The following ROBO1 variants were observed in gnomAD, a reference collection of about 807,000 sequenced individuals.
The protein encoded by ROBO1 is roundabout homolog 1.
In ROBO1, 149 loss-of-function variants were observed where a neutral mutation model predicts 195.9. The ratio of observed to expected loss-of-function variants is 0.76; its 90% CI spans 0.67 to 0.87. The LOEUF (loss-of-function observed/expected upper bound fraction) is 0.87, where lower values mean the gene tolerates loss of function less well. Ranked by LOEUF, ROBO1 falls within the 40% of genes least tolerant of loss-of-function variation. ROBO1 has a pLI of 0.00. For missense variants in ROBO1, 1,933 were observed against 2,068.3 expected, an observed-to-expected ratio of 0.93 and a Z score of 1.27; for synonymous variants, 816 against 733.2, an observed-to-expected ratio of 1.11 and a Z score of -1.82.
In ROBO1 at chr3:79,589,971, T is replaced by C. The variant is rs1943947910; in HGVS notation, c.-50-10A>G. 1 of 1,179,660 alleles carries C rather than the reference T, an allele frequency of 8.5e-7. No individual in the cohort carries two copies. The highest frequency in any genetic ancestry group is 1.3e-6 in the Non-Finnish European group (1 of 799,076). 73.1% of individuals were successfully genotyped at this position (1,179,660 alleles called of 1,614,324 possible). A position where few individuals can be genotyped will look rare whatever the true frequency, so the allele number is the denominator to read the frequency against. On this transcript the variant is annotated splice_polypyrimidine_tract_variant and intron_variant, in intron 1 of 30. Coordinates refer to ENST00000464233, the MANE Select transcript of ROBO1 (RefSeq NM_002941.4). ...ACAGACAATGTGTTATCTGGGGAGA[T>C]TAAAAAAATATTATTTTGTAATGGT...
intron 3 of ROBO1, among the ~76,000 whole-genome samples, chr3:79,042,339 T>C (rs2078503178): frequency 6.6e-6 from 1 of 152,166 alleles, no homozygotes; most frequent in African/African-American, 2.4e-5. Flanking sequence ...TTCTAACATG[T>C]CTTTATCCTT....
At chr3:78,791,549 T>C (rs977242006) in intron 4 of ROBO1, among the ~76,000 whole-genome samples, 4 of 152,190 alleles carry the variant, frequency 2.6e-5, no homozygotes, top group Admixed American at 2.6e-4. Flanking sequence ...GCTTCGTCGA[T>C]ACCCTCTGAT....
chr3:79,082,848 G>A (rs2079299529), intron 3 of ROBO1, among the ~76,000 whole-genome samples: 1 of 152,108 alleles, frequency 6.6e-6, no homozygotes, highest in African/African-American at 2.4e-5. Flanking sequence ...GGTGTGGAGA[G>A]AGGCAGGTTG....
intron 2 of ROBO1, among the ~76,000 whole-genome samples, chr3:79,297,078 A>G (rs1175329127): frequency 1.3e-5 from 2 of 152,108 alleles, no homozygotes; most frequent in African/African-American, 4.8e-5. Flanking sequence ...TGATTACGTT[A>G]TTTTCAAATA....
At chr3:79,743,956 T>G (rs929959206) in intron 1 of ROBO1, among the ~76,000 whole-genome samples, 1 of 152,132 alleles carries the variant, frequency 6.6e-6, no homozygotes, top group Non-Finnish European at 1.5e-5. Flanking sequence ...GTTTTACAAT[T>G]AACTTTTTTT....
At position 79,454,892 on chromosome 3, in the gene ROBO1, C is replaced by G. The variant is rs1184702367; in HGVS notation, c.88+134932G>C. 2.6e-5 allele frequency among the ~76,000 whole-genome samples: 4 copies of G among 152,202 alleles called. No homozygotes were observed. The East Asian group carries it at 7.7e-4, about 29-fold the overall frequency. Reference sequence around the variant, plus strand: ...ATTTGTTATCTAACAAATGGAAGATCAGTATAGCCCTTCTTTCTGTTCAGA... The same window carrying G: ...ATTTGTTATCTAACAAATGGAAGATGAGTATAGCCCTTCTTTCTGTTCAGA... On this transcript the variant is annotated intron_variant, in intron 2 of 30. Coordinates refer to ENST00000464233, the MANE Select transcript of ROBO1 (RefSeq NM_002941.4).
intron 2 of ROBO1, among the ~76,000 whole-genome samples, chr3:79,406,373 A>C (rs1284859045): frequency 2.0e-5 from 3 of 151,892 alleles, no homozygotes; most frequent in Non-Finnish European, 2.9e-5. Flanking sequence ...TCAATGCTAC[A>C]GTGAGCTAGG....
intron 4 of ROBO1, among the ~76,000 whole-genome samples, chr3:78,913,036 G>A (rs570361262): frequency 5.7e-4 from 87 of 152,024 alleles, no homozygotes; most frequent in African/African-American, 2.0e-3. Flanking sequence ...TTTTTGTTAC[G>A]ACAGCTGAAA....
At chr3:78,956,250 T>A (rs369062106) in intron 3 of ROBO1, among the ~76,000 whole-genome samples, 1 of 152,148 alleles carries the variant, frequency 6.6e-6, no homozygotes, top group African/African-American at 2.4e-5. Context: ...GTTGATCTAA[T>A]AGACAAAATA....
chr3:79,275,451 C>G (rs888107748), intron 2 of ROBO1, among the ~76,000 whole-genome samples: 19 of 151,766 alleles, frequency 1.3e-4, no homozygotes, highest in Non-Finnish European at 2.4e-4. Flanking sequence ...AAAAAACCCT[C>G]AAAAAACTGG....
chr3:79,639,327 T>C (rs530327523), intron 1 of ROBO1, among the ~76,000 whole-genome samples: 1 of 152,290 alleles, frequency 6.6e-6, no homozygotes, highest in Non-Finnish European at 1.5e-5. Flanking sequence ...TCATTTATTA[T>C]TTTTTTCCTA....
At chr3:79,537,913 A>AC (rs1454537498) in intron 2 of ROBO1, among the ~76,000 whole-genome samples, 1 of 151,498 alleles carries the variant, frequency 6.6e-6, no homozygotes, top group African/African-American at 2.4e-5. Flanking sequence ...AAATAAAAAA[A>AC]CACAAAAAAA....
At chr3:79,343,030 A>T (rs2034971054) in intron 2 of ROBO1, among the ~76,000 whole-genome samples, 2 of 152,116 alleles carry the variant, frequency 1.3e-5, no homozygotes, top group South Asian at 4.1e-4. Context: ...ACACCCTAAC[A>T]ACAATTGTTC....
At chr3:79,037,369 C>A (rs1327592036) in intron 3 of ROBO1, among the ~76,000 whole-genome samples, 1 of 152,046 alleles carries the variant, frequency 6.6e-6, no homozygotes, top group Non-Finnish European at 1.5e-5. Context: ...TCCTCTGAAC[C>A]ATTACTCCTT....
chr3:79,507,283 T>C (rs1425873925), intron 2 of ROBO1, among the ~76,000 whole-genome samples: 2 of 152,186 alleles, frequency 1.3e-5, no homozygotes, highest in Non-Finnish European at 2.9e-5. Context: ...CCAAGGTGTC[T>C]ACACACTCTG....
intron 2 of ROBO1, among the ~76,000 whole-genome samples, chr3:79,129,382 ATATG>A (rs2080280029): frequency 6.6e-6 from 1 of 152,096 alleles, no homozygotes; most frequent in Admixed American, 6.6e-5. Context: ...ATATAAGGTT[ATATG>A]TGTGTGTGTA....
intron 8 of ROBO1, among the ~76,000 whole-genome samples, chr3:78,710,785 ATT>A (rs1232457233): frequency 6.6e-5 from 10 of 152,154 alleles, no homozygotes; most frequent in Non-Finnish European, 1.2e-4. Context: ...TAAGTCTCAA[ATT>A]ATAAAGACAT....
chr3:78,743,911 G>A (rs2082593460), intron 5 of ROBO1, among the ~76,000 whole-genome samples: 1 of 152,162 alleles, frequency 6.6e-6, no homozygotes. Context: ...AAGCTGGGAA[G>A]TAGAGTGTTT....
chr3:78,894,760 A>C (rs984196911), intron 4 of ROBO1, among the ~76,000 whole-genome samples: 1 of 152,196 alleles, frequency 6.6e-6, no homozygotes, highest in African/African-American at 2.4e-5. Flanking sequence ...GGCTGCAGGA[A>C]TCTCCGAAGA....
Sources: allele counts gnomAD v4.1 joint callset (sites outside exome capture counted in the v4.1 genomes callset), GRCh38; gene constraint gnomAD v4.1.1; transcripts MANE v1.5; gene names NCBI Gene and HGNC (gene_info 2026-07-23, HGNC 2026-07-21).